Variants in RBFOX3 observed in about 807,000 individuals in gnomAD.
RBFOX3 encodes RNA binding protein fox-1 homolog 3.
Under a neutral mutation model 48.7 loss-of-function variants are expected in RBFOX3, and 17 were observed. The ratio of observed to expected loss-of-function variants is 0.35; its 90% CI spans 0.24 to 0.52. The LOEUF (loss-of-function observed/expected upper bound fraction) is 0.52, where lower values mean the gene tolerates loss of function less well. RBFOX3 is among the 20% of genes least tolerant of loss of function. The pLI is 0.94. For missense variants in RBFOX3, 382 were observed against 497.5 expected (o/e 0.77, Z 2.21); for synonymous variants, 212 against 209.5 (o/e 1.01, Z -0.10).
chr17:79,534,895 G>GC (rs1343070517), intron 1 of RBFOX3, among the ~76,000 whole-genome samples: 3 of 152,174 alleles, frequency 2.0e-5, no homozygotes, highest in Non-Finnish European at 4.4e-5. Context: ...TTTGACAAGT[G>GC]CCCCAGAGAC....
intron 2 of RBFOX3, among the ~76,000 whole-genome samples, chr17:79,366,841 C>A (rs115230852): frequency 6.6e-6 from 1 of 152,202 alleles, no homozygotes; most frequent in African/African-American, 2.4e-5. Flanking sequence ...GGGAGCTGCT[C>A]TCACCCCAGC....
At chr17:79,559,289 T>C in intron 1 of RBFOX3, among the ~76,000 whole-genome samples, 1 of 151,702 alleles carries the variant, frequency 6.6e-6, no homozygotes, top group South Asian at 2.1e-4. Flanking sequence ...TGGGTCATGG[T>C]GGGTGGTGAG....
chr17:79,415,980 T>C (rs976893255), intron 2 of RBFOX3, among the ~76,000 whole-genome samples: 5 of 152,102 alleles, frequency 3.3e-5, no homozygotes, highest in African/African-American at 1.2e-4. Flanking sequence ...TCCACTGACA[T>C]GGGCCCCAGA....
intron 4 of RBFOX3, among the ~76,000 whole-genome samples, chr17:79,157,616 C>T (rs958540166): frequency 6.6e-6 from 1 of 152,162 alleles, no homozygotes; most frequent in African/African-American, 2.4e-5. Flanking sequence ...AGCTGAGATG[C>T]CCTGGGCCCT....
At chr17:79,593,421 G>C (rs2093478640) in intron 1 of RBFOX3, among the ~76,000 whole-genome samples, 1 of 152,088 alleles carries the variant, frequency 6.6e-6, no homozygotes. Context: ...TTTTAACGCT[G>C]TTAGGCCTTA....
At chr17:79,605,943 G>T (rs1254060621) in intron 1 of RBFOX3, among the ~76,000 whole-genome samples, 1 of 152,192 alleles carries the variant, frequency 6.6e-6, no homozygotes, top group Non-Finnish European at 1.5e-5. Flanking sequence ...TCCCCAAGCC[G>T]CAGCTTTCTC....
In RBFOX3 at chr17:79,238,566, C is replaced by T. The variant is rs995590375; in HGVS notation, c.-73-2761G>A. On this transcript the variant is annotated intron_variant, in intron 3 of 14. Coordinates refer to ENST00000693108, the MANE Select transcript of RBFOX3 (RefSeq NM_001350451.2). ...GTCCTCCCAGCACAGTAACTCCTTT[C>T]GGCTCTGGAATTCCCAGTCTTTAGG... 3.9e-5 allele frequency among the ~76,000 whole-genome samples: 6 copies of T among 152,232 alleles called. No homozygotes were observed. In the East Asian group the frequency reaches 5.8e-4, roughly 15 times the overall value.
At chr17:79,158,964 G>A (rs1568250374) in intron 4 of RBFOX3, among the ~76,000 whole-genome samples, 1 of 152,224 alleles carries the variant, frequency 6.6e-6, no homozygotes, top group East Asian at 1.9e-4. Flanking sequence ...AACCGACACT[G>A]CTTGAGCACC....
chr17:79,450,125 C>G (rs12451718), intron 2 of RBFOX3, among the ~76,000 whole-genome samples: 119,782 of 152,170 alleles, frequency 0.79, 47,735 homozygotes, highest in Non-Finnish European at 0.86. Flanking sequence ...GAAACAGAAG[C>G]CATGTGTGTG....
intron 2 of RBFOX3, among the ~76,000 whole-genome samples, chr17:79,438,187 T>A (rs1204915178): frequency 6.6e-6 from 1 of 152,140 alleles, no homozygotes; most frequent in Non-Finnish European, 1.5e-5. Context: ...AAAACCTCCT[T>A]CTGTGCTGCT....
At chr17:79,327,916 A>C (rs890754045) in intron 2 of RBFOX3, among the ~76,000 whole-genome samples, 1 of 152,108 alleles carries the variant, frequency 6.6e-6, no homozygotes, top group African/African-American at 2.4e-5. Flanking sequence ...GGCTGGTCTC[A>C]ATCTCCTGAC....
At chr17:79,179,056 G>T (rs2051257474) in intron 4 of RBFOX3, among the ~76,000 whole-genome samples, 1 of 152,222 alleles carries the variant, frequency 6.6e-6, no homozygotes. Context: ...ATCCCACCAA[G>T]TCAACAGGGG....
At chr17:79,461,147 T>C (rs566671531) in intron 2 of RBFOX3, among the ~76,000 whole-genome samples, 3 of 152,280 alleles carry the variant, frequency 2.0e-5, no homozygotes, top group Non-Finnish European at 4.4e-5. Context: ...AAGGGGGTTG[T>C]TGGGGGTACA....
At chr17:79,530,886 G>A (rs1479777111) in intron 1 of RBFOX3, among the ~76,000 whole-genome samples, 1 of 152,248 alleles carries the variant, frequency 6.6e-6, no homozygotes, top group Non-Finnish European at 1.5e-5. Context: ...AGTAACTCAC[G>A]TTGTAAATAT....
At chr17:79,469,651 A>T (rs2076811460) in intron 2 of RBFOX3, among the ~76,000 whole-genome samples, 1 of 152,116 alleles carries the variant, frequency 6.6e-6, no homozygotes, top group Non-Finnish European at 1.5e-5. Context: ...ACAGCTGCAC[A>T]CAACTGGATG....
At chr17:79,549,581 C>G (rs1184922739) in intron 1 of RBFOX3, among the ~76,000 whole-genome samples, 1 of 152,246 alleles carries the variant, frequency 6.6e-6, no homozygotes, top group East Asian at 1.9e-4. Context: ...ATTCCAGCCT[C>G]CCACCCAAAG....
At chr17:79,526,315 G>T (rs951346182) in intron 1 of RBFOX3, among the ~76,000 whole-genome samples, 6,840 of 152,296 alleles carry the variant, frequency 0.045, 256 homozygotes, top group African/African-American at 0.099. Flanking sequence ...ATGATCATGA[G>T]GAAGCCAGCC....
intron 2 of RBFOX3, among the ~76,000 whole-genome samples, chr17:79,382,988 G>A (rs1455947200): frequency 6.7e-6 from 1 of 149,772 alleles, no homozygotes; most frequent in African/African-American, 2.5e-5. Context: ...ATTTTCTGGG[G>A]CTGTGTGGGC....
chr17:79,570,431 T>C (rs2092632681), intron 1 of RBFOX3, among the ~76,000 whole-genome samples: 12 of 152,056 alleles, frequency 7.9e-5, no homozygotes, highest in Admixed American at 7.9e-4. Flanking sequence ...GGTGGATAGA[T>C]GGGCAGATGG....
Sources: gnomAD v4.1 joint callset for allele counts (sites outside exome capture counted in the v4.1 genomes callset) on GRCh38, gnomAD v4.1.1 for gene constraint, MANE v1.5 for transcripts, NCBI Gene and HGNC (gene_info 2026-07-23, HGNC 2026-07-21) for gene names.